Variants in ABCC9 observed in about 807,000 individuals in gnomAD.
ABCC9 encodes the protein ATP-binding cassette sub-family C member 9.
Under a neutral mutation model 188.3 loss-of-function variants are expected in ABCC9, and 95 were observed. That is an observed-to-expected ratio of 0.50 (90% CI 0.43 to 0.60). The LOEUF is 0.60. ABCC9 is among the 20% of genes least tolerant of loss of function. The probability of loss-of-function intolerance (pLI) is 0.00; values close to 1 mark genes in which losing one functional copy is unlikely to be tolerated. For missense variants in ABCC9, 1,102 were observed against 1,876.3 expected (o/e 0.59, Z 7.62); for synonymous variants, 659 against 652.7 (o/e 1.01, Z -0.15).
chr12:21,844,764 T>G lies in ABCC9; in HGVS notation c.3245+3A>C, dbSNP rs1345977942. 1 of 1,613,824 alleles carries G rather than the reference T, an allele frequency of 6.2e-7. No individual in the cohort carries two copies. Among genetic ancestry groups the G allele is most frequent in the Non-Finnish European group, 8.5e-7 (1 of 1,179,838 alleles). ...TGGGAGTGAGAAATAACCACTGTTT[T>G]ACCTTATTGGTCCAAGGATTATCTT... On this transcript the variant is annotated splice_donor_region_variant and intron_variant, in intron 27 of 39. Transcript: ENST00000261200.
At chr12:21,837,056 A>G (rs1005816973) in intron 30 of ABCC9, among the ~76,000 whole-genome samples, 8 of 152,182 alleles carry the variant, frequency 5.3e-5, no homozygotes, top group African/African-American at 1.9e-4. Flanking sequence ...TTCTTAAATA[A>G]ATTGAATTGA....
intron 18 of ABCC9, among the ~76,000 whole-genome samples, chr12:21,866,819 G>A (rs1945805536): frequency 1.3e-5 from 2 of 152,172 alleles, no homozygotes; most frequent in Admixed American, 1.3e-4. Flanking sequence ...GCAATGCACA[G>A]AGTAAAAGAG....
chr12:21,845,771 T>A lies in ABCC9; in HGVS notation c.2928A>T (p.Lys976Asn). ...NMSTVMRLRT[K>N]MPWKTCWRYL... ...AGCGCCAGCAGGTTTTCCATGGCAT[T>A]TTAGTCCTGAGCCTCATTACAGTGG... The change falls in exon 26 of 40, where the codon AAA becomes AAT. Residue 976 changes from lysine (K) to asparagine (N), a missense_variant. By Grantham distance (94) the Lys-to-Asn change is moderately conservative. Transcript: ENST00000261200. 1 of 1,613,900 alleles carries A rather than the reference T, an allele frequency of 6.2e-7. No homozygotes were observed. Among genetic ancestry groups the A allele is most frequent in the Non-Finnish European group, 8.5e-7 (1 of 1,179,856 alleles).
At position 21,800,964 on chromosome 12, in the gene ABCC9, T is replaced by C. The variant is rs1359877229; in HGVS notation, c.*80A>G. 2.7e-5 allele frequency: 42 copies of C among 1,557,784 alleles called. No homozygotes were observed. The highest frequency in any genetic ancestry group is 3.4e-5 in the Non-Finnish European group (39 of 1,136,744). The stretch of plus-strand genomic sequence containing the variant: ...CTGTAAAAGTTTTAAGATGCCACTT[T>C]ACAGAGGTCAAGCTGATGATCCATT... On this transcript the variant is annotated 3_prime_UTR_variant, in exon 40 of 40. Transcript: ENST00000261200.
intron 16 of ABCC9, among the ~76,000 whole-genome samples, chr12:21,878,668 T>C (rs1435081965): frequency 1.3e-5 from 2 of 152,038 alleles, no homozygotes; most frequent in African/African-American, 4.8e-5. Flanking sequence ...TGAAAACAGG[T>C]AGAAAATACC....
chr12:21,842,503 T>G (rs1258945108), intron 28 of ABCC9, 32 bp from the exon 29 acceptor site: 1 of 1,608,054 alleles, frequency 6.2e-7, no homozygotes, highest in Admixed American at 1.7e-5. Flanking sequence ...AAAATATGAT[T>G]AGCCCAGTGA....
chr12:21,867,582 G>A (rs1004050259), intron 18 of ABCC9, among the ~76,000 whole-genome samples: 3 of 152,126 alleles, frequency 2.0e-5, no homozygotes, highest in African/African-American at 7.2e-5. Context: ...ACATTTGGAA[G>A]AAGGGAAACT....
At chr12:21,828,581 G>A (rs1236782226) in intron 31 of ABCC9, 3 of 303,454 alleles carry the variant, frequency 9.9e-6, no homozygotes, top group Non-Finnish European at 1.9e-5. Context: ...GGCTTAAAAC[G>A]TAGAAAGTTG....
At position 21,907,359 on chromosome 12, in the gene ABCC9, A is replaced by G. The variant is rs980732998; in HGVS notation, c.1455+718T>C. On this transcript the variant is annotated intron_variant, in intron 11 of 39. Coordinates refer to ENST00000261200, the MANE Select transcript of ABCC9 (RefSeq NM_020297.4). ...GCAACTCGCTTGTCATAGTAGAAACACGAACTTGAGAAACAATCCTGTCAG... is the reference window on the plus strand; with the variant it reads ...GCAACTCGCTTGTCATAGTAGAAACGCGAACTTGAGAAACAATCCTGTCAG... Among the ~76,000 whole-genome samples, 5 of 152,060 alleles carry G rather than the reference A, an allele frequency of 3.3e-5. 1 individual carries two copies. The highest frequency in any genetic ancestry group is 7.2e-5 in the African/African-American group (3 of 41,426).
chr12:21,940,171 G>A (rs1043061278), intron 2 of ABCC9, among the ~76,000 whole-genome samples: 1 of 152,192 alleles, frequency 6.6e-6, no homozygotes, highest in African/African-American at 2.4e-5. Flanking sequence ...GAAAGCGTTA[G>A]TTCTGATCGA....
chr12:21,806,539 G>A (rs1021061817), intron 38 of ABCC9, among the ~76,000 whole-genome samples: 2 of 152,128 alleles, frequency 1.3e-5, no homozygotes, highest in Non-Finnish European at 2.9e-5. Flanking sequence ...TATTTTAAAG[G>A]CTGTTCTGGG....
intron 35 of ABCC9, among the ~76,000 whole-genome samples, chr12:21,814,371 A>C (rs1301420994): frequency 6.6e-6 from 1 of 152,178 alleles, no homozygotes; most frequent in Admixed American, 6.5e-5. Flanking sequence ...ACTGCTATTC[A>C]AAGTGGGTGG....
chr12:21,864,313 G>T, intron 19 of ABCC9, 126 bp downstream of exon 19: 2 of 731,116 alleles, frequency 2.7e-6, no homozygotes, highest in Non-Finnish European at 4.6e-6. Flanking sequence ...ACTGCTGTTG[G>T]AAATATGCTA....
At chr12:21,923,737 C>A in intron 5 of ABCC9, 2 of 639,610 alleles carry the variant, frequency 3.1e-6, no homozygotes, top group South Asian at 1.8e-5. Context: ...AACATTTACC[C>A]ACTTATTGTA....
chr12:21,863,565 G>A (rs1390408699), intron 19 of ABCC9, among the ~76,000 whole-genome samples: 1 of 152,082 alleles, frequency 6.6e-6, no homozygotes. Context: ...ATCTTAAGGA[G>A]TCCCTGAAAC....
chr12:21,828,890 T>C (rs1366883512), intron 31 of ABCC9, 68 bp downstream of exon 31: 5 of 1,279,206 alleles, frequency 3.9e-6, no homozygotes, highest in South Asian at 1.2e-5. Context: ...TTTTTACAAC[T>C]GTCTGCCTCT....
chr12:21,875,716 C>G lies in ABCC9; in HGVS notation c.2030G>C (p.Gly677Ala), dbSNP rs777631521. 3 of 1,608,768 alleles carry G rather than the reference C, an allele frequency of 1.9e-6. No individual in the cohort carries two copies. The highest frequency in any genetic ancestry group is 2.6e-6 in the Non-Finnish European group (3 of 1,175,514). Reference protein sequence around the residue: ...TEDIAIKVTNGYFSWGSGLAT... With the variant: ...TEDIAIKVTNAYFSWGSGLAT... ...TAAACCACTGCCCCATGAAAAGTAT[C>G]CATTTGTGACCTACAAAATAAAAAT... The change falls in exon 17 of 40, where the codon GGA (glycine) becomes GCA (alanine). Residue 677 changes from glycine to alanine, a missense_variant. By Grantham distance (60) the Gly-to-Ala change is moderately conservative (BLOSUM62 0). This residue lies in a region of ABCC9 where 258 missense variants were observed against 325.6 expected (regional missense o/e 0.79). Transcript: ENST00000261200.
In ABCC9 at chr12:21,910,939, C is replaced by T. The variant is rs375758521; in HGVS notation, c.1051G>A (p.Ala351Thr). ...AAGAGAAGAACTGCTAGAACGTAAGCGTTTTCAAGAAATTCCTTTGATGAG... is the reference window on the plus strand; with the variant it reads ...AAGAGAAGAACTGCTAGAACGTAAGTGTTTTCAAGAAATTCCTTTGATGAG... ...TLSSKEFLEN[A>T]YVLAVLLFLA... is the part of the protein sequence containing the mutation. Residue 351 changes from alanine (A) to threonine (T), a missense_variant, in exon 9 of 40, where the codon GCT (alanine) becomes ACT (threonine). Physicochemically the swap from Ala to Thr is moderately conservative, Grantham distance 58 (BLOSUM62 0). Around this residue, in one of 12 missense-constraint regions of ABCC9, gnomAD observed 305 missense variants for 573.0 expected, o/e 0.53. Transcript: ENST00000261200. 2.5e-6 allele frequency: 4 copies of T among 1,612,216 alleles called. No individual in the cohort carries two copies. The highest frequency in any genetic ancestry group is 3.4e-6 in the Non-Finnish European group (4 of 1,178,706).
intron 2 of ABCC9, among the ~76,000 whole-genome samples, chr12:21,937,110 T>C (rs985214544): frequency 7.2e-5 from 11 of 152,186 alleles, no homozygotes; most frequent in African/African-American, 2.7e-4. Flanking sequence ...AATGTACTAA[T>C]AAACAACAAA....
Sources: gnomAD v4.1 joint callset for allele counts (sites outside exome capture counted in the v4.1 genomes callset) on GRCh38, gnomAD v4.1.1 for gene constraint, gnomAD v4.1.1 regional missense constraint, MANE v1.5 for transcripts, NCBI Gene and HGNC (gene_info 2026-07-23, HGNC 2026-07-21) for gene names.